TUT4: variants seen among roughly 807,000 people sequenced by gnomAD.
TUT4 encodes the protein terminal uridylyl transferase 4.
In TUT4, 36 loss-of-function variants were observed where a neutral mutation model predicts 192.2. The ratio of observed to expected loss-of-function variants is 0.19; its 90% CI spans 0.14 to 0.25. The LOEUF is 0.25. Among genes scored for constraint, TUT4 ranks in the 10% least tolerant of loss-of-function variants. The pLI is 1.00. For missense variants in TUT4, 1,493 were observed against 1,957.2 expected (o/e 0.76, Z 4.47); for synonymous variants, 618 against 666.0 (o/e 0.93, Z 1.11).
intron 3 of TUT4, among the ~76,000 whole-genome samples, chr1:52,511,879 T>C (rs76726997): frequency 0.012 from 1,871 of 152,238 alleles, 34 homozygotes; most frequent in African/African-American, 0.043. Context: ...ATATTGAGAA[T>C]AGAAGCAGGA....
chr1:52,516,285 A>G (rs189171808), intron 2 of TUT4, among the ~76,000 whole-genome samples: 41 of 152,246 alleles, frequency 2.7e-4, no homozygotes, highest in African/African-American at 9.6e-4. Context: ...TGTTCTTCCA[A>G]TCTATCCATC....
chr1:52,465,003 C>A, intron 16 of TUT4, 67 bp downstream of exon 16: 1 of 1,269,400 alleles, frequency 7.9e-7, no homozygotes, highest in Admixed American at 2.4e-5. Context: ...ATATCACATA[C>A]AAAAATAAAC....
chr1:52,484,156 G>A (rs1570807123), intron 9 of TUT4, among the ~76,000 whole-genome samples: 2 of 152,246 alleles, frequency 1.3e-5, no homozygotes, highest in East Asian at 3.9e-4. Flanking sequence ...CAAGGTTACA[G>A]TGAGCTATGA....
At chr1:52,450,539 A>G (rs920603312) in intron 20 of TUT4, among the ~76,000 whole-genome samples, 3 of 152,222 alleles carry the variant, frequency 2.0e-5, no homozygotes, top group Non-Finnish European at 4.4e-5. Flanking sequence ...AATGCTGCTA[A>G]TGAGCATAAA....
chr1:52,433,775 T>C (rs1322383045), intron 27 of TUT4: 1 of 152,162 alleles, frequency 6.6e-6, no homozygotes, highest in Non-Finnish European at 1.5e-5. Context: ...CTATAAAATA[T>C]AATCAGAATT....
At chr1:52,541,899 G>A (rs1030745839) in intron 1 of TUT4, among the ~76,000 whole-genome samples, 9 of 152,110 alleles carry the variant, frequency 5.9e-5, no homozygotes, top group Non-Finnish European at 1.2e-4. Flanking sequence ...GAACATCAAC[G>A]TTCAAAGAAG....
intron 28 of TUT4, 69 bp downstream of exon 28, chr1:52,430,944 A>G (rs1319956355): frequency 2.1e-5 from 31 of 1,472,060 alleles, no homozygotes; most frequent in South Asian, 1.4e-5. Flanking sequence ...TTTTCCTCAC[A>G]TTGTTTCTAC....
intron 1 of TUT4, among the ~76,000 whole-genome samples, chr1:52,546,867 C>T (rs1430155663): frequency 6.6e-6 from 1 of 152,054 alleles, no homozygotes; most frequent in Admixed American, 6.6e-5. Flanking sequence ...CGAGATGGCT[C>T]ATACCTGTAA....
At chr1:52,441,527 T>C (rs1655580047) in intron 24 of TUT4, among the ~76,000 whole-genome samples, 1 of 149,332 alleles carries the variant, frequency 6.7e-6, no homozygotes, top group African/African-American at 2.5e-5. Flanking sequence ...ACTCCTGACC[T>C]TGTGATCTGC....
At chr1:52,477,283 T>C (rs1667348278) in intron 12 of TUT4, among the ~76,000 whole-genome samples, 1 of 152,064 alleles carries the variant, frequency 6.6e-6, no homozygotes, top group Non-Finnish European at 1.5e-5. Context: ...TCTAAATAAA[T>C]AATGAAGGCC....
intron 14 of TUT4, 27 bp from the exon 15 acceptor site, chr1:52,468,294 G>A (rs1335759432): frequency 1.3e-6 from 2 of 1,521,448 alleles, no homozygotes; most frequent in African/African-American, 1.4e-5. Flanking sequence ...AAGAAAAAAG[G>A]AAAAAGAAAA....
chr1:52,515,815 T>TA (rs758584086), intron 3 of TUT4, 76 bp downstream of exon 3: 4 of 1,555,958 alleles, frequency 2.6e-6, no homozygotes, highest in Admixed American at 1.7e-5. Context: ...AAAAGAAAAA[T>TA]AAAAAAAGCT....
In TUT4 at chr1:52,525,922, T is replaced by G. The variant is rs376422804; in HGVS notation, c.359A>C (p.Lys120Thr). The G allele has an allele frequency of 1.3e-5, 21 of 1,614,018 alleles. No homozygotes were observed. Among genetic ancestry groups the G allele is most frequent in the Admixed American group, 3.3e-5 (2 of 59,992 alleles). Residue 120 changes from lysine to threonine, a missense_variant, in exon 2 of 30, where the codon AAG becomes ACG. By Grantham distance (78) the Lys-to-Thr change is moderately conservative. Transcript: ENST00000257177. Reference protein sequence around the residue: ...KATISQAKSEKATSLQAKAEK... With the variant: ...KATISQAKSETATSLQAKAEK... ...TGCTTTTGCCTGTAAACTGGTTGCC[T>G]TTTCTGATTTTGCCTGTGAAATGGT... is the stretch of plus-strand genomic sequence containing the variant.
chr1:52,425,635 C>A, intron 28 of TUT4, 128 bp from the exon 29 acceptor site: 1 of 1,153,306 alleles, frequency 8.7e-7, no homozygotes, highest in Non-Finnish European at 1.2e-6. Flanking sequence ...TCAGAGAATA[C>A]CAAACAAACT....
intron 4 of TUT4, among the ~76,000 whole-genome samples, chr1:52,508,634 G>T (rs1286651608): frequency 6.6e-6 from 1 of 152,134 alleles, no homozygotes; most frequent in African/African-American, 2.4e-5. Flanking sequence ...TAGATTTTCT[G>T]ATCAAAATAT....
At chr1:52,514,299 G>T (rs1425016696) in intron 3 of TUT4, among the ~76,000 whole-genome samples, 2 of 152,142 alleles carry the variant, frequency 1.3e-5, no homozygotes, top group African/African-American at 4.8e-5. Flanking sequence ...GAATTAGCCA[G>T]GCATGGTGGC....
chr1:52,494,887 G>C (rs974294477), intron 6 of TUT4, among the ~76,000 whole-genome samples: 3 of 151,856 alleles, frequency 2.0e-5, no homozygotes, highest in African/African-American at 7.3e-5. Flanking sequence ...AAACAATATT[G>C]TTCTAATACT....
rs765214015 is a variant in TUT4 at position 52,468,271 on chromosome 1, G to C, written c.2879-4C>G. 8 of 1,566,702 alleles carry C rather than the reference G, an allele frequency of 5.1e-6. No individual in the cohort carries two copies. The highest frequency in any genetic ancestry group is 6.9e-6 in the Non-Finnish European group (8 of 1,165,168). On this transcript the variant is annotated splice_polypyrimidine_tract_variant and splice_region_variant and intron_variant, in intron 14 of 29. Coordinates refer to ENST00000257177, the MANE Select transcript of TUT4 (RefSeq NM_001009881.3). ...GAACAAGGTGGTGATAACTCATCTGGGTTTATAAAAAGAAGAAAAAAGGAA... is the reference window on the plus strand; with the variant it reads ...GAACAAGGTGGTGATAACTCATCTGCGTTTATAAAAAGAAGAAAAAAGGAA...
chr1:52,526,314 T>C lies in TUT4; in HGVS notation c.-34A>G. On this transcript the variant is annotated 5_prime_UTR_variant, in exon 2 of 30. Transcript: ENST00000257177. ...AATCTGTTTCTTTCCAATTGTGATATTATAAAATGGCAGATCTCCAGTAGT... is the reference window on the plus strand; with the variant it reads ...AATCTGTTTCTTTCCAATTGTGATACTATAAAATGGCAGATCTCCAGTAGT... 3.5e-6 allele frequency: 5 copies of C among 1,442,790 alleles called. No homozygotes were observed. Among genetic ancestry groups the C allele is most frequent in the Non-Finnish European group, 4.5e-6 (5 of 1,104,736 alleles). The allele number at this position is 1,442,790 out of a possible 1,614,324, so 89.4% of individuals were successfully genotyped here.
Sources: gnomAD v4.1 joint callset for allele counts (sites outside exome capture counted in the v4.1 genomes callset) on GRCh38, gnomAD v4.1.1 for gene constraint, MANE v1.5 for transcripts, NCBI Gene and HGNC (gene_info 2026-07-23, HGNC 2026-07-21) for gene names.